Variants in TBC1D9B observed in about 807,000 individuals in gnomAD.
TBC1D9B encodes the protein TBC1 domain family member 9B, also known as TBC1 domain family, member 9B (with GRAM domain).
A neutral mutation model predicts 121.1 loss-of-function variants in TBC1D9B; 87 were observed. That is an observed-to-expected ratio of 0.72 (90% CI 0.60 to 0.86). The LOEUF is 0.86. Ranked by LOEUF, TBC1D9B falls within the 40% of genes least tolerant of loss-of-function variation. TBC1D9B has a pLI of 0.00. For missense variants in TBC1D9B, 1,540 were observed against 1,628.6 expected, an observed-to-expected ratio of 0.95 and a Z score of 0.94; for synonymous variants, 668 against 670.1, an observed-to-expected ratio of 1.00 and a Z score of 0.05.
Position 179,869,837 on chromosome 5 carries a change from G to A in TBC1D9B, c.2726-3C>T, listed in dbSNP as rs1760135877. On this transcript the variant is annotated splice_polypyrimidine_tract_variant and splice_region_variant and intron_variant, in intron 16 of 20. Coordinates refer to ENST00000355235, the MANE Select transcript of TBC1D9B (RefSeq NM_015043.4). ...CAGGTCCCCGTGGTACATCCCGCCT[G>A]TGGAGAAGGCCAGGGAGGGCTGGGT... The A allele has an allele frequency of 1.9e-6, 3 of 1,546,224 alleles. No individual in the cohort carries two copies. Among genetic ancestry groups the A allele is most frequent in the African/African-American group, 1.4e-5 (1 of 73,052 alleles).
intron 8 of TBC1D9B, 108 bp downstream of exon 8, chr5:179,879,520 G>T: frequency 6.5e-7 from 1 of 1,545,544 alleles, no homozygotes; most frequent in East Asian, 2.2e-5. Flanking sequence ...ACTGCCCAGC[G>T]GTCAGCCCAG....
chr5:179,872,539 T>C (rs1760234698), intron 14 of TBC1D9B: 1 of 284,850 alleles, frequency 3.5e-6, no homozygotes. Context: ...CACATGCCAT[T>C]TGGGGTGTGC....
At position 179,902,229 on chromosome 5, in the gene TBC1D9B, G is replaced by A; in HGVS notation, c.229+2473C>T. Among the ~76,000 whole-genome samples the A allele has an allele frequency of 6.6e-6, 1 of 152,250 alleles. No homozygotes were observed. Among genetic ancestry groups the A allele is most frequent in the East Asian group, 1.9e-4 (1 of 5,202 alleles). On this transcript the variant is annotated intron_variant, in intron 2 of 20. Coordinates refer to ENST00000355235, the MANE Select transcript of TBC1D9B (RefSeq NM_015043.4). This position sits in a 1 kb window ranked among gnomAD's most constrained non-coding sequence, Gnocchi z 4.9. ...GTCTGGGCAGTTCTCAGAGGAGCGG[G>A]AGGGAAGGTTAGCTGGCATGGCGGA...
chr5:179,878,749 A>G (rs112524061), intron 9 of TBC1D9B, among the ~76,000 whole-genome samples: 1,654 of 152,304 alleles, frequency 0.011, 32 homozygotes, highest in African/African-American at 0.038. Context: ...GAATGCTGTC[A>G]GAGCCTGTCC....
At chr5:179,897,856 T>C (rs1046003030) in intron 3 of TBC1D9B, among the ~76,000 whole-genome samples, 1 of 152,170 alleles carries the variant, frequency 6.6e-6, no homozygotes, top group Non-Finnish European at 1.5e-5. Flanking sequence ...CAAAGTGCAC[T>C]GAGAAGAGCT....
chr5:179,894,684 G>A (rs1216933435), intron 3 of TBC1D9B, 70 bp from the exon 4 acceptor site: 23 of 1,535,648 alleles, frequency 1.5e-5, no homozygotes, highest in Middle Eastern at 1.7e-4. Flanking sequence ...GGAGCAGAGA[G>A]GCCCAGGGAA....
At position 179,871,476 on chromosome 5, in the gene TBC1D9B, A is replaced by G. The variant is rs772508518; in HGVS notation, c.2470T>C (p.Tyr824His). Residue 824 changes from tyrosine (Y) to histidine (H), a missense_variant, in exon 15 of 21, where the codon TAC (tyrosine) becomes CAC (histidine). Tyr to His is a moderately conservative substitution (Grantham distance 83, BLOSUM62 2). Coordinates refer to ENST00000355235, the MANE Select transcript of TBC1D9B (RefSeq NM_015043.4). Reference protein sequence around the residue: ...GFSIEELEDLYMVFKAKHLAS... With the variant: ...GFSIEELEDLHMVFKAKHLAS... ...TGAGCTGTCACCTTAAACACCATGT[A>G]AAGGTCCTCCAGCTCTTCAATGGAG... 6.2e-7 allele frequency: 1 copy of G among 1,613,078 alleles called. No individual in the cohort carries two copies. Among genetic ancestry groups the G allele is most frequent in the Admixed American group, 1.7e-5 (1 of 59,926 alleles).
At chr5:179,901,226 T>C (rs1323763192) in intron 2 of TBC1D9B, among the ~76,000 whole-genome samples, 4 of 152,146 alleles carry the variant, frequency 2.6e-5, no homozygotes, top group Non-Finnish European at 5.9e-5. Context: ...TCATCCATAA[T>C]TCACTTTAAA....
chr5:179,872,833 G>T, intron 14 of TBC1D9B, 59 bp downstream of exon 14: 2 of 1,543,914 alleles, frequency 1.3e-6, no homozygotes, highest in Non-Finnish European at 1.8e-6. Context: ...CCTGCTCTGT[G>T]GGGAAGGCAC....
intron 7 of TBC1D9B, 158 bp downstream of exon 7, chr5:179,887,945 G>T: frequency 1.2e-6 from 1 of 846,602 alleles, no homozygotes; most frequent in Non-Finnish European, 1.9e-6. Flanking sequence ...GGGCAGTGTG[G>T]GTCTGGGCTA....
chr5:179,895,853 T>C lies in TBC1D9B; in HGVS notation c.349-1239A>G, dbSNP rs569415083. ...GTAGCCAGGGAAGGAAACTACAATA[T>C]GCCATCCCAAAATATGCCCTTTTGA... is the stretch of plus-strand genomic sequence containing the variant. On this transcript the variant is annotated intron_variant, in intron 3 of 20. Coordinates refer to ENST00000355235, the MANE Select transcript of TBC1D9B (RefSeq NM_015043.4). Among the ~76,000 whole-genome samples, 4 of 152,314 alleles carry C rather than the reference T, an allele frequency of 2.6e-5. No homozygotes were observed. The South Asian group carries it at 8.3e-4, about 32-fold the overall frequency.
chr5:179,870,481 A>G lies in TBC1D9B; in HGVS notation c.2499T>C (p.Ala833=). 2 of 1,609,946 alleles carry G rather than the reference A, an allele frequency of 1.2e-6. No individual in the cohort carries two copies. The highest frequency in any genetic ancestry group is 2.7e-5 in the African/African-American group (2 of 75,056). ...TGCGGCTGCACCCCCAGTACTGGCT[A>G]GCCAGGTGCTTGGCCTGTGGGACAC... ...LYMVFKAKHL[A]SQYWGCSRTM... Residue 833 remains alanine (A), a synonymous_variant, in exon 16 of 21, where the codon GCT becomes GCC. Coordinates refer to ENST00000355235, the MANE Select transcript of TBC1D9B (RefSeq NM_015043.4).
Position 179,899,308 on chromosome 5 carries a change from C to G in TBC1D9B, c.230-1G>C. On this transcript the variant is annotated splice_acceptor_variant, in intron 2 of 20. Coordinates refer to ENST00000355235, the MANE Select transcript of TBC1D9B (RefSeq NM_015043.4). LOFTEE classifies it high-confidence loss of function. ...TTTGTGATCTCTTTGCGGGAAGAAC[C>G]TAGAAGAGGTTTGGTAAAGTAAAAG... 6.2e-7 allele frequency: 1 copy of G among 1,613,212 alleles called. No individual in the cohort carries two copies.
chr5:179,871,609 C>T, intron 14 of TBC1D9B, 79 bp from the exon 15 acceptor site: 1 of 1,498,712 alleles, frequency 6.7e-7, no homozygotes. Context: ...TGAGAGCATC[C>T]TCGGCAGACA....
In TBC1D9B at chr5:179,876,040, G is replaced by T; in HGVS notation, c.1783-3C>A. 1 of 1,611,376 alleles carries T rather than the reference G, an allele frequency of 6.2e-7. No individual in the cohort carries two copies. Among genetic ancestry groups the T allele is most frequent in the South Asian group, 1.1e-5 (1 of 90,616 alleles). ...ACCGAGGTCACGATGTTCATTGCCT[G>T]CCGGGCACAGAGACAGCCGGGGAAG... On this transcript the variant is annotated splice_region_variant and splice_polypyrimidine_tract_variant and intron_variant, in intron 10 of 20. Transcript: ENST00000355235.
chr5:179,897,575 T>C (rs909050584), intron 3 of TBC1D9B, among the ~76,000 whole-genome samples: 3 of 152,198 alleles, frequency 2.0e-5, no homozygotes, highest in Admixed American at 6.5e-5. Context: ...TCCGCCCGTC[T>C]TGGCCTCCCA....
At chr5:179,892,129 T>A (rs997123592) in intron 5 of TBC1D9B, among the ~76,000 whole-genome samples, 5 of 152,192 alleles carry the variant, frequency 3.3e-5, no homozygotes. Context: ...CTCACCCCTT[T>A]GGTGGCTCTG....
At position 179,891,919 on chromosome 5, in the gene TBC1D9B, G is replaced by A. The variant is rs1327772765; in HGVS notation, c.837-333C>T. The stretch of plus-strand genomic sequence containing the variant: ...TACTGATGGGCAAGCAGAGCCCAGA[G>A]CACCTGCCCTGGATCCCACTCAGAT... On this transcript the variant is annotated intron_variant, in intron 5 of 20. Transcript: ENST00000355235. The surrounding 1 kb of genome is among the most constrained non-coding windows in gnomAD (Gnocchi z 4.3). Among the ~76,000 whole-genome samples, 2 of 152,170 alleles carry A rather than the reference G, an allele frequency of 1.3e-5. No individual in the cohort carries two copies. Among genetic ancestry groups the A allele is most frequent in the African/African-American group, 2.4e-5 (1 of 41,444 alleles).
At position 179,874,942 on chromosome 5, in the gene TBC1D9B, C is replaced by G; in HGVS notation, c.2146G>C (p.Gly716Arg). The G allele has an allele frequency of 6.2e-6, 10 of 1,613,666 alleles. No individual in the cohort carries two copies. Among genetic ancestry groups the G allele is most frequent in the Non-Finnish European group, 8.5e-6 (10 of 1,180,032 alleles). The change falls in exon 12 of 21, where the codon GGC becomes CGC. Residue 716 changes from glycine (G) to arginine (R), a missense_variant. Coordinates refer to ENST00000355235, the MANE Select transcript of TBC1D9B (RefSeq NM_015043.4). This position sits in a 1 kb window ranked among gnomAD's most constrained non-coding sequence, Gnocchi z 4.3. ...VLDANMEQLLGCSDEGEAMTM... is the reference protein window; with the variant it reads ...VLDANMEQLLRCSDEGEAMTM... Reference sequence around the variant, plus strand: ...ATGGCCTCGCCCTCGTCGCTGCAGCCCAGCAGCTGCTCCATGTTGGCGTCC... The same window carrying G: ...ATGGCCTCGCCCTCGTCGCTGCAGCGCAGCAGCTGCTCCATGTTGGCGTCC...
Sources: gnomAD v4.1 joint callset for allele counts (sites outside exome capture counted in the v4.1 genomes callset) on GRCh38, gnomAD v4.1.1 for gene constraint, Gnocchi (gnomAD v3.1) non-coding constraint, MANE v1.5 for transcripts, NCBI Gene and HGNC (gene_info 2026-07-23, HGNC 2026-07-21) for gene names.